The following MCTP2 variants were observed in gnomAD, a reference collection of about 807,000 sequenced individuals.
The protein encoded by MCTP2 is multiple C2 and transmembrane domain-containing protein 2.
In MCTP2, 132 loss-of-function variants were observed where a neutral mutation model predicts 111.6. The observed-to-expected ratio is 1.18, with a 90% confidence interval of 1.03 to 1.37. The LOEUF (loss-of-function observed/expected upper bound fraction) is 1.37, where lower values mean the gene tolerates loss of function less well. Among genes scored for constraint, MCTP2 ranks in the 40% most tolerant of loss-of-function variants. The pLI, the probability that MCTP2 is intolerant of heterozygous loss-of-function variation, is 0.00. For missense variants in MCTP2, 1,183 were observed against 1,067.9 expected (o/e 1.11, Z -1.50); for synonymous variants, 395 against 387.7 (o/e 1.02, Z -0.22).
At chr15:94,363,850 A>G (rs1349367291) in intron 10 of MCTP2, among the ~76,000 whole-genome samples, 2 of 152,164 alleles carry the variant, frequency 1.3e-5, no homozygotes, top group African/African-American at 2.4e-5. Context: ...GTGTGAAGTC[A>G]TATGTGATGC....
At chr15:94,379,703 C>G (rs976666943) in intron 12 of MCTP2, among the ~76,000 whole-genome samples, 2 of 144,780 alleles carry the variant, frequency 1.4e-5, no homozygotes, top group Non-Finnish European at 3.0e-5. Context: ...ATGTAAATAT[C>G]ATATATATGA....
chr15:94,243,267 G>A (rs576801083), intron 1 of MCTP2, among the ~76,000 whole-genome samples: 6 of 148,152 alleles, frequency 4.0e-5, no homozygotes, highest in African/African-American at 1.5e-4. Context: ...ACATACATAC[G>A]TATGCGTACA....
intron 12 of MCTP2, among the ~76,000 whole-genome samples, chr15:94,374,871 G>A (rs1469110432): frequency 6.6e-6 from 1 of 152,174 alleles, no homozygotes; most frequent in East Asian, 1.9e-4. Flanking sequence ...CGCCTAGCTC[G>A]GTGGGGGAGG....
At chr15:94,414,980 C>T (rs2082309565) in intron 17 of MCTP2, among the ~76,000 whole-genome samples, 1 of 152,130 alleles carries the variant, frequency 6.6e-6, no homozygotes, top group African/African-American at 2.4e-5. Flanking sequence ...CTGCTTTTTG[C>T]TTGACTGCAG....
At position 94,479,403 on chromosome 15, in the gene MCTP2, A is replaced by G. The variant is rs528064054; in HGVS notation, c.*369A>G. 7.7e-6 allele frequency: 2 copies of G among 260,350 alleles called. No homozygotes were observed. Among genetic ancestry groups the G allele is most frequent in the East Asian group, 1.4e-4 (2 of 14,036 alleles). The allele number at this position is 260,350 out of a possible 1,614,324, so 16.1% of individuals were successfully genotyped here. On this transcript the variant is annotated 3_prime_UTR_variant, in exon 23 of 23. Transcript: ENST00000357742. Reference sequence around the variant, plus strand: ...CTTTGAACTTGTTTTCACACCTCCAACAGACTCTCATTAAGATTCAGTTAT... The same window carrying G: ...CTTTGAACTTGTTTTCACACCTCCAGCAGACTCTCATTAAGATTCAGTTAT...
At chr15:94,354,717 A>G (rs1012449718) in intron 8 of MCTP2, among the ~76,000 whole-genome samples, 1 of 152,222 alleles carries the variant, frequency 6.6e-6, no homozygotes, top group African/African-American at 2.4e-5. Context: ...ATTGTCATAA[A>G]TGATCAAAAT....
intron 15 of MCTP2, among the ~76,000 whole-genome samples, chr15:94,399,276 T>TA (rs2081435309): frequency 6.6e-6 from 1 of 152,314 alleles, no homozygotes; most frequent in East Asian, 1.9e-4. Flanking sequence ...TGTATACTGG[T>TA]AAAACCTGAG....
chr15:94,383,372 C>T (rs1250459472), intron 12 of MCTP2, among the ~76,000 whole-genome samples: 1 of 152,218 alleles, frequency 6.6e-6, no homozygotes, highest in Non-Finnish European at 1.5e-5. Context: ...AATGGGCTCT[C>T]ATGCCAAATG....
intron 17 of MCTP2, among the ~76,000 whole-genome samples, chr15:94,417,635 C>T (rs1195310759): frequency 6.6e-6 from 1 of 152,074 alleles, no homozygotes; most frequent in Admixed American, 6.6e-5. Flanking sequence ...AGACTCCTAA[C>T]AGCATTTCTA....
chr15:94,379,888 AAT>A (rs913956819), intron 12 of MCTP2, among the ~76,000 whole-genome samples: 12 of 147,068 alleles, frequency 8.2e-5, no homozygotes, highest in Admixed American at 2.7e-4. Flanking sequence ...ACTTATATAT[AAT>A]ATATATGATA....
At chr15:94,330,384 T>C (rs1367517684) in intron 4 of MCTP2, among the ~76,000 whole-genome samples, 1 of 152,212 alleles carries the variant, frequency 6.6e-6, no homozygotes, top group African/African-American at 2.4e-5. Context: ...TCAATAATCA[T>C]GTATGCTTTG....
In MCTP2 at chr15:94,407,828, C is replaced by T. The variant is rs531323182; in HGVS notation, c.2085+5809C>T. Among the ~76,000 whole-genome samples the T allele has an allele frequency of 1.0e-4, 15 of 150,544 alleles. 1 individual carries two copies. The South Asian group carries it at 1.3e-3, about 13-fold the overall frequency. On this transcript the variant is annotated intron_variant, in intron 17 of 22. Coordinates refer to ENST00000357742, the MANE Select transcript of MCTP2 (RefSeq NM_001385001.1). ...ACACACACACACACATGCATGAACA[C>T]GAAGAAGCAGAGGACATTTGGGAAA... is the stretch of plus-strand genomic sequence containing the variant.
intron 21 of MCTP2, among the ~76,000 whole-genome samples, chr15:94,471,759 G>GA (rs200725385): frequency 0.58 from 76,402 of 131,520 alleles, 20,816 homozygotes; most frequent in Non-Finnish European, 0.61. Context: ...GGCATATTTT[G>GA]AAAAAAAAAA....
In MCTP2 at chr15:94,371,595, C is replaced by CAT. The variant is rs1015856184; in HGVS notation, c.1582+1426_1582+1427dup. Reference sequence around the variant, plus strand: ...TTAAAAAAATTCTTTCTGTAAGTTGCATATATATATATTTTAATCTCCAGT... The same window carrying CAT: ...TTAAAAAAATTCTTTCTGTAAGTTGCATATATATATATATTTTAATCTCCAGT... On this transcript the variant is annotated intron_variant, in intron 12 of 22. Coordinates refer to ENST00000357742, the MANE Select transcript of MCTP2 (RefSeq NM_001385001.1). Among the ~76,000 whole-genome samples the CAT allele has an allele frequency of 8.3e-4, 127 of 152,128 alleles. 1 individual carries two copies. The highest frequency in any genetic ancestry group is 2.6e-3 in the African/African-American group (108 of 41,518).
chr15:94,270,061 C>G (rs144060534), intron 1 of MCTP2, among the ~76,000 whole-genome samples: 1 of 152,086 alleles, frequency 6.6e-6, no homozygotes, highest in Admixed American at 6.5e-5. Flanking sequence ...AGCTAGTGGA[C>G]GTTATGTTCC....
At chr15:94,266,172 G>T (rs879822833) in intron 1 of MCTP2, among the ~76,000 whole-genome samples, 3 of 152,188 alleles carry the variant, frequency 2.0e-5, no homozygotes, top group Non-Finnish European at 4.4e-5. Context: ...GCTGCACTGT[G>T]ATCATTACAT....
rs545976727 is a variant in MCTP2 at position 94,302,983 on chromosome 15, A to C, written c.465+4253A>C. Among the ~76,000 whole-genome samples the C allele has an allele frequency of 8.6e-5, 13 of 151,416 alleles. No individual in the cohort carries two copies. The South Asian group carries it at 2.7e-3, about 32-fold the overall frequency. ...GAGGAGCAAGTCATGTCTTACATGG[A>C]TGGCAGCCAGCAAAGGGAGAGAGCA... is the stretch of plus-strand genomic sequence containing the variant. On this transcript the variant is annotated intron_variant, in intron 2 of 22. Coordinates refer to ENST00000357742, the MANE Select transcript of MCTP2 (RefSeq NM_001385001.1).
chr15:94,443,047 C>CT (rs529237554), intron 19 of MCTP2, 87 bp downstream of exon 19: 90,288 of 573,070 alleles, frequency 0.16, 3,385 homozygotes, highest in African/African-American at 0.31. Flanking sequence ...TCTCTCCTCT[C>CT]TTTTTTTTTT....
chr15:94,276,674 G>T (rs1048793913), intron 1 of MCTP2, among the ~76,000 whole-genome samples: 1 of 148,256 alleles, frequency 6.7e-6, no homozygotes. Context: ...GAAATATTTG[G>T]TTATATCTCA....
Sources: gnomAD v4.1 joint callset for allele counts (sites outside exome capture counted in the v4.1 genomes callset) on GRCh38, gnomAD v4.1.1 for gene constraint, MANE v1.5 for transcripts, NCBI Gene and HGNC (gene_info 2026-07-23, HGNC 2026-07-21) for gene names.